Variants in FYN observed in about 807,000 individuals in gnomAD.
FYN encodes tyrosine-protein kinase Fyn.
In FYN, 10 loss-of-function variants were observed where a neutral mutation model predicts 70.2. That is an observed-to-expected ratio of 0.14 (90% CI 0.09 to 0.24). The LOEUF is 0.24. FYN is among the 10% of genes least tolerant of loss of function. The pLI is 1.00. For missense variants in FYN, 319 were observed against 673.1 expected, an observed-to-expected ratio of 0.47 and a Z score of 5.82; for synonymous variants, 236 against 248.6, an observed-to-expected ratio of 0.95 and a Z score of 0.48.
chr6:111,702,251 A>G (rs1261987368), intron 8 of FYN, among the ~76,000 whole-genome samples: 1 of 152,250 alleles, frequency 6.6e-6, no homozygotes, highest in Non-Finnish European at 1.5e-5. Flanking sequence ...TATAAACTGC[A>G]TATCTAATAA....
rs375137878 is a variant in FYN, at chr6:111,725,286, A to G, written c.-11-5224T>C. ...ACTGGGAGCAGAAGGACATTCAGAG[A>G]CAGTTGAGTACCACATCAGCAGCAA... On this transcript the variant is annotated intron_variant, in intron 3 of 13. Transcript: ENST00000354650. 6.6e-4 allele frequency among the ~76,000 whole-genome samples: 101 copies of G among 152,302 alleles called. 1 individual carries two copies. The South Asian group carries it at 0.011, about 16-fold the overall frequency.
intron 3 of FYN, among the ~76,000 whole-genome samples, chr6:111,763,313 TA>T (rs1443349210): frequency 1.3e-5 from 2 of 152,254 alleles, no homozygotes; most frequent in African/African-American, 4.8e-5. Context: ...CCCCTGAAGC[TA>T]TGTCATGGGT....
chr6:111,846,697 C>T, intron 1 of FYN, 68 bp from the exon 2 acceptor site: 1 of 398,476 alleles, frequency 2.5e-6, no homozygotes, highest in Non-Finnish European at 4.4e-6. Flanking sequence ...TACAAACCAC[C>T]CACAAAGCAC....
chr6:111,778,109 G>T (rs1032547545), intron 3 of FYN, among the ~76,000 whole-genome samples: 1 of 152,192 alleles, frequency 6.6e-6, no homozygotes, highest in Admixed American at 6.5e-5. Flanking sequence ...GTGGGGCAGC[G>T]TGTCTAATGC....
chr6:111,689,977 G>C (rs910931768), intron 12 of FYN, among the ~76,000 whole-genome samples: 1 of 152,218 alleles, frequency 6.6e-6, no homozygotes, highest in Non-Finnish European at 1.5e-5. Flanking sequence ...CTTACACACA[G>C]CCATGTCTGT....
chr6:111,722,815 T>C (rs979168131), intron 3 of FYN, among the ~76,000 whole-genome samples: 1 of 152,170 alleles, frequency 6.6e-6, no homozygotes, highest in Non-Finnish European at 1.5e-5. Flanking sequence ...TGGCCCCAAA[T>C]GTTAATAGTG....
intron 5 of FYN, chr6:111,708,946 C>A (rs1800237048): frequency 6.6e-6 from 1 of 152,166 alleles, no homozygotes; most frequent in Non-Finnish European, 1.5e-5. Context: ...AACAGGGCTA[C>A]CTGTGATGAA....
At chr6:111,734,555 G>A (rs1251684334) in intron 3 of FYN, among the ~76,000 whole-genome samples, 1 of 152,102 alleles carries the variant, frequency 6.6e-6, no homozygotes, top group Non-Finnish European at 1.5e-5. Context: ...GACATGCTGT[G>A]GTCTTGACCC....
chr6:111,709,020 G>A (rs955190562), intron 5 of FYN: 1 of 152,102 alleles, frequency 6.6e-6, no homozygotes, highest in Non-Finnish European at 1.5e-5. Flanking sequence ...GTGGCGCTGC[G>A]GCTCTGACAT....
intron 2 of FYN, among the ~76,000 whole-genome samples, chr6:111,790,255 C>T (rs888038412): frequency 9.7e-5 from 9 of 93,230 alleles, no homozygotes; most frequent in African/African-American, 3.2e-4. Flanking sequence ...GATACACACA[C>T]ACACACACAC....
chr6:111,862,290 T>C (rs1223497326), intron 1 of FYN, among the ~76,000 whole-genome samples: 1 of 152,182 alleles, frequency 6.6e-6, no homozygotes, highest in Non-Finnish European at 1.5e-5. Flanking sequence ...TCACCCTAAA[T>C]TTTTAACAAA....
chr6:111,784,343 G>A (rs191147200), intron 2 of FYN, among the ~76,000 whole-genome samples: 435 of 152,298 alleles, frequency 2.9e-3, no homozygotes, highest in Non-Finnish European at 4.7e-3. Flanking sequence ...CTCCAACAAA[G>A]CATTATAAAA....
intron 2 of FYN, among the ~76,000 whole-genome samples, chr6:111,811,286 T>C (rs923501123): frequency 2.6e-5 from 4 of 152,208 alleles, no homozygotes; most frequent in Admixed American, 2.0e-4. Flanking sequence ...ACAGAAGCCA[T>C]CAAGTTTAGA....
intron 2 of FYN, among the ~76,000 whole-genome samples, chr6:111,841,194 AT>A (rs1335936126): frequency 6.6e-6 from 1 of 152,170 alleles, no homozygotes; most frequent in East Asian, 1.9e-4. Flanking sequence ...CCTGGAAGTC[AT>A]TTTCACGCTT....
intron 12 of FYN, among the ~76,000 whole-genome samples, chr6:111,682,734 G>A (rs1162659854): frequency 6.6e-6 from 1 of 152,176 alleles, no homozygotes. Context: ...AGGTATCCCT[G>A]TGCTTGCACA....
intron 2 of FYN, among the ~76,000 whole-genome samples, chr6:111,783,907 T>C (rs1771268354): frequency 6.6e-6 from 1 of 152,162 alleles, no homozygotes; most frequent in Admixed American, 6.5e-5. Flanking sequence ...TGAATCAGAA[T>C]TGATTTTGAA....
chr6:111,764,228 A>AAAAAAAG (rs530424442), intron 3 of FYN, among the ~76,000 whole-genome samples: 1,433 of 134,736 alleles, frequency 0.011, 14 homozygotes, highest in African/African-American at 0.022. Flanking sequence ...AAAAAAAAAA[A>AAAAAAAG]AAAAGAAAAG....
In FYN at chr6:111,696,542, T is replaced by G. The variant is rs114103629; in HGVS notation, c.863-86A>C. 782 of 1,129,016 alleles carry G rather than the reference T, an allele frequency of 6.9e-4. 5 individuals are homozygous for G. The African/African-American group carries it at 0.011, about 16-fold the overall frequency. The allele number at this position is 1,129,016 out of a possible 1,614,324, so 69.9% of individuals were successfully genotyped here. On this transcript the variant is annotated intron_variant, in intron 9 of 13. Transcript: ENST00000354650. The stretch of plus-strand genomic sequence containing the variant: ...TGACCACCAGCTATTTGCATAAGAT[T>G]AGATTTTAAATTTAAAACACTTAAT...
At chr6:111,714,268 G>A in intron 5 of FYN, 79 bp downstream of exon 5, 1 of 867,020 alleles carries the variant, frequency 1.2e-6, no homozygotes, top group Non-Finnish European at 2.0e-6. Flanking sequence ...TCAGACATCT[G>A]AAGAGATGCA....
Sources: allele counts gnomAD v4.1 joint callset (sites outside exome capture counted in the v4.1 genomes callset), GRCh38; gene constraint gnomAD v4.1.1; transcripts MANE v1.5; gene names NCBI Gene and HGNC (gene_info 2026-07-23, HGNC 2026-07-21).